Variants in SHB observed in about 807,000 individuals in gnomAD.
SHB encodes SH2 domain containing adaptor protein B, also known as SH2 domain-containing adapter protein B.
SHB carries 20 observed loss-of-function variants against 52.3 expected under a neutral mutation model. That is an observed-to-expected ratio of 0.38 (90% CI 0.27 to 0.56). The LOEUF (loss-of-function observed/expected upper bound fraction) is 0.56. Among genes scored for constraint, SHB ranks in the 20% least tolerant of loss-of-function variants. SHB has a pLI of 0.71. For missense variants in SHB, 825 were observed against 723.3 expected (o/e 1.14, Z -1.61); for synonymous variants, 397 against 316.5 (o/e 1.25, Z -2.70).
intron 5 of SHB, among the ~76,000 whole-genome samples, chr9:37,941,581 G>A (rs1832434280): frequency 1.3e-5 from 2 of 152,320 alleles, no homozygotes; most frequent in African/African-American, 2.4e-5. Context: ...TGGGGGTCCT[G>A]AGGCAAGCAG....
chr9:37,936,040 T>TAAAA (rs1223430103), intron 5 of SHB, among the ~76,000 whole-genome samples: 3 of 122,630 alleles, frequency 2.4e-5, no homozygotes, highest in African/African-American at 9.1e-5. Flanking sequence ...CCGTCTCTAC[T>TAAAA]AAAAAAAAAA....
intron 1 of SHB, among the ~76,000 whole-genome samples, chr9:38,054,068 A>T (rs1480060921): frequency 6.6e-6 from 1 of 152,222 alleles, no homozygotes; most frequent in Non-Finnish European, 1.5e-5. Flanking sequence ...AAGATGGGGC[A>T]TTCCAGGCCC....
chr9:38,040,099 G>A (rs192046679), intron 1 of SHB, among the ~76,000 whole-genome samples: 2 of 152,238 alleles, frequency 1.3e-5, no homozygotes, highest in Non-Finnish European at 1.5e-5. Flanking sequence ...CAGGTCAGCC[G>A]GTCTTTCCCC....
At chr9:38,048,292 G>A (rs935028243) in intron 1 of SHB, among the ~76,000 whole-genome samples, 7 of 152,214 alleles carry the variant, frequency 4.6e-5, no homozygotes, top group African/African-American at 1.4e-4. Context: ...CGGTGGGAAT[G>A]CAGTAATTGG....
rs191626280 is a variant in SHB at position 38,031,013 on chromosome 9, T to A, written c.718-14882A>T. ...ACTAAAAGAACCCAACCGCCATCTG[T>A]CTTCACCCACATTTTATGAAGGAAA... On this transcript the variant is annotated intron_variant, in intron 1 of 5. Transcript: ENST00000377707. Among the ~76,000 whole-genome samples the A allele has an allele frequency of 2.1e-3, 314 of 152,052 alleles. 1 individual carries two copies. The highest frequency in any genetic ancestry group is 7.0e-3 in the African/African-American group (291 of 41,460).
rs1442297101 is a variant in SHB at position 37,919,915 on chromosome 9, G to A, written c.1436C>T (p.Pro479Leu). ...GGTGGTGTAGTAGTGGATGACTTCC[G>A]GGACACTGTCGAACGGAGGGCTGTT... ...GQNSPPFDSV[P>L]EVIHYYTTRK... is the part of the protein sequence containing the mutation. Residue 479 changes from proline to leucine, a missense_variant, in exon 6 of 6, where the codon CCG (proline) becomes CTG (leucine). Transcript: ENST00000377707. 1.2e-6 allele frequency: 2 copies of A among 1,613,992 alleles called. No homozygotes were observed. The highest frequency in any genetic ancestry group is 1.1e-5 in the South Asian group (1 of 91,082).
chr9:37,924,388 C>T (rs930029031), intron 5 of SHB, among the ~76,000 whole-genome samples: 3 of 152,220 alleles, frequency 2.0e-5, no homozygotes, highest in African/African-American at 7.2e-5. Flanking sequence ...TTGCTTGATG[C>T]ATATTTCATG....
At chr9:37,925,487 C>G (rs943500820) in intron 5 of SHB, among the ~76,000 whole-genome samples, 4 of 152,218 alleles carry the variant, frequency 2.6e-5, no homozygotes, top group African/African-American at 9.6e-5. Flanking sequence ...GAGCCCTCTT[C>G]CCTTAGGATT....
intron 1 of SHB, among the ~76,000 whole-genome samples, chr9:38,047,659 G>A (rs1333929964): frequency 6.6e-6 from 1 of 152,252 alleles, no homozygotes; most frequent in African/African-American, 2.4e-5. Context: ...TGCTTTTGGA[G>A]GATGTGAGAC....
At position 38,050,866 on chromosome 9, in the gene SHB, A is replaced by G. The variant is rs925682518; in HGVS notation, c.717+17063T>C. 7.9e-5 allele frequency among the ~76,000 whole-genome samples: 12 copies of G among 152,216 alleles called. 1 individual carries two copies. The highest frequency in any genetic ancestry group is 1.5e-4 in the Non-Finnish European group (10 of 68,036). ...AAAAGGCCAGGCAGATACAAAAAAA[A>G]AGAGAGATTTCTAATTTGGGGGTGA... On this transcript the variant is annotated intron_variant, in intron 1 of 5. Transcript: ENST00000377707.
At chr9:37,946,360 G>GC (rs1358068577) in intron 5 of SHB, among the ~76,000 whole-genome samples, 35 of 152,224 alleles carry the variant, frequency 2.3e-4, no homozygotes, top group African/African-American at 7.5e-4. Context: ...CCCACTGTGA[G>GC]CTGACATCTG....
intron 2 of SHB, among the ~76,000 whole-genome samples, chr9:38,003,660 G>C (rs2381772): frequency 0.46 from 69,193 of 151,646 alleles, 15,954 homozygotes; most frequent in Middle Eastern, 0.51. Context: ...CAGGAGCATG[G>C]GGCCGGGCTG....
intron 1 of SHB, among the ~76,000 whole-genome samples, chr9:38,064,893 G>A (rs1821940681): frequency 6.6e-6 from 1 of 152,196 alleles, no homozygotes; most frequent in Non-Finnish European, 1.5e-5. Flanking sequence ...CAGCACTTTG[G>A]GAGGCCAAGG....
chr9:37,982,396 G>A (rs544395672), intron 2 of SHB, among the ~76,000 whole-genome samples: 1 of 152,126 alleles, frequency 6.6e-6, no homozygotes, highest in Non-Finnish European at 1.5e-5. Context: ...GGAAGGCTGA[G>A]GCAGGAGAAT....
chr9:37,925,923 G>C (rs1194925209), intron 5 of SHB, among the ~76,000 whole-genome samples: 1 of 152,148 alleles, frequency 6.6e-6, no homozygotes, highest in Non-Finnish European at 1.5e-5. Context: ...CTTGGCCTTG[G>C]GGAGCAGGGC....
At chr9:38,035,511 T>C (rs1218335290) in intron 1 of SHB, among the ~76,000 whole-genome samples, 2 of 151,882 alleles carry the variant, frequency 1.3e-5, no homozygotes, top group African/African-American at 4.9e-5. Context: ...TTTCACAGGC[T>C]GCTCAGTGAG....
At position 38,060,267 on chromosome 9, in the gene SHB, CG is replaced by C. The variant is rs550523746; in HGVS notation, c.717+7661del. On this transcript the variant is annotated intron_variant, in intron 1 of 5. Coordinates refer to ENST00000377707, the MANE Select transcript of SHB (RefSeq NM_003028.3). ...TCGGCTCACTACAACCTCTGCCTCCCGGGTTCAAGCAATTCTCCCACCTCAG... is the reference window on the plus strand; with the variant it reads ...TCGGCTCACTACAACCTCTGCCTCCCGGTTCAAGCAATTCTCCCACCTCAG... Among the ~76,000 whole-genome samples the C allele has an allele frequency of 7.9e-5, 12 of 152,204 alleles. No individual in the cohort carries two copies. The South Asian group carries it at 2.3e-3, about 29-fold the overall frequency.
chr9:38,066,362 A>G (rs542979088), intron 1 of SHB, among the ~76,000 whole-genome samples: 1 of 152,286 alleles, frequency 6.6e-6, no homozygotes, highest in Non-Finnish European at 1.5e-5. Context: ...TGCCTTTTAT[A>G]TACAAGACCT....
intron 2 of SHB, among the ~76,000 whole-genome samples, chr9:37,991,314 G>GCT (rs1587232945): frequency 6.6e-6 from 1 of 152,166 alleles, no homozygotes; most frequent in South Asian, 2.1e-4. Context: ...GTCTGTGCAC[G>GCT]CTCTCCTCAG....
Sources: gnomAD v4.1 joint callset for allele counts (sites outside exome capture counted in the v4.1 genomes callset) on GRCh38, gnomAD v4.1.1 for gene constraint, MANE v1.5 for transcripts, NCBI Gene and HGNC (gene_info 2026-07-23, HGNC 2026-07-21) for gene names.